The following BNC2 variants were observed in gnomAD, a reference collection of about 807,000 sequenced individuals.
BNC2 encodes basonuclin zinc finger protein 2, also known as zinc finger protein basonuclin-2.
In BNC2, 20 loss-of-function variants were observed where a neutral mutation model predicts 76.3. The observed-to-expected ratio is 0.26, with a 90% CI of 0.18 to 0.38. The LOEUF (loss-of-function observed/expected upper bound fraction) is 0.38. BNC2 is among the 10% of genes least tolerant of loss of function. The pLI is 1.00. For missense variants in BNC2, 1,382 were observed against 1,399.8 expected (o/e 0.99, Z 0.20); for synonymous variants, 582 against 514.8 (o/e 1.13, Z -1.77).
At chr9:16,849,479 C>T (rs1372010886) in intron 1 of BNC2, among the ~76,000 whole-genome samples, 1 of 151,496 alleles carries the variant, frequency 6.6e-6, no homozygotes, top group African/African-American at 2.4e-5. Context: ...CTGCCTCAGC[C>T]CCCAAAGTAG....
intron 5 of BNC2, among the ~76,000 whole-genome samples, chr9:16,489,041 CA>C: frequency 6.6e-6 from 1 of 152,172 alleles, no homozygotes; most frequent in African/African-American, 2.4e-5. Context: ...TCAGTGTTGT[CA>C]AACAGAAATA....
intron 5 of BNC2, among the ~76,000 whole-genome samples, chr9:16,455,054 G>A (rs1006489711): frequency 3.9e-5 from 6 of 152,192 alleles, no homozygotes; most frequent in Non-Finnish European, 8.8e-5. Flanking sequence ...TAGAGACTAA[G>A]TATGAGAAAC....
At chr9:16,730,802 T>C (rs1563918408) in intron 2 of BNC2, among the ~76,000 whole-genome samples, 1 of 152,210 alleles carries the variant, frequency 6.6e-6, no homozygotes, top group East Asian at 1.9e-4. Context: ...TTCATAAATA[T>C]ACAGTACTGC....
intron 5 of BNC2, among the ~76,000 whole-genome samples, chr9:16,536,739 C>T (rs1244975621): frequency 2.0e-5 from 3 of 152,024 alleles, no homozygotes; most frequent in South Asian, 2.1e-4. Flanking sequence ...GATGAATCTT[C>T]GTATTTTTGC....
At chr9:16,580,284 T>C (rs1819597628) in intron 4 of BNC2, 2 of 397,132 alleles carry the variant, frequency 5.0e-6, no homozygotes, top group Non-Finnish European at 8.9e-6. Flanking sequence ...ATGGGGAGAG[T>C]GTGGGATTCA....
At chr9:16,634,964 TTCAGTG>T (rs1363775038) in intron 3 of BNC2, among the ~76,000 whole-genome samples, 1 of 152,190 alleles carries the variant, frequency 6.6e-6, no homozygotes, top group East Asian at 1.9e-4. Flanking sequence ...GTAGCTTGAA[TTCAGTG>T]CCACTTGACA....
At chr9:16,825,812 C>T (rs1051591317) in intron 1 of BNC2, among the ~76,000 whole-genome samples, 2 of 152,028 alleles carry the variant, frequency 1.3e-5, no homozygotes, top group Non-Finnish European at 2.9e-5. Context: ...GTGACATGTT[C>T]ATTAAATTGT....
At chr9:16,732,009 C>G (rs1057236083) in intron 2 of BNC2, among the ~76,000 whole-genome samples, 1 of 151,892 alleles carries the variant, frequency 6.6e-6, no homozygotes, top group Non-Finnish European at 1.5e-5. Context: ...TATAGGGAGG[C>G]ACAATGCAAT....
intron 5 of BNC2, among the ~76,000 whole-genome samples, chr9:16,485,721 A>C (rs958049897): frequency 1.3e-5 from 2 of 152,154 alleles, no homozygotes; most frequent in Admixed American, 1.3e-4. Flanking sequence ...GCGTGGGAGG[A>C]CTGCTTGAGC....
intron 5 of BNC2, among the ~76,000 whole-genome samples, chr9:16,447,262 T>C (rs1275333684): frequency 6.6e-6 from 1 of 152,138 alleles, no homozygotes; most frequent in African/African-American, 2.4e-5. Flanking sequence ...CTAAAGCAGA[T>C]TTTGTATCTT....
chr9:16,616,743 A>C (rs960266463), intron 3 of BNC2, among the ~76,000 whole-genome samples: 2 of 143,334 alleles, frequency 1.4e-5, no homozygotes, highest in Non-Finnish European at 3.1e-5. Flanking sequence ...AAAGGGGGAA[A>C]GGAAGGAGGG....
chr9:16,633,034 G>A (rs894293878), intron 3 of BNC2, among the ~76,000 whole-genome samples: 1 of 152,076 alleles, frequency 6.6e-6, no homozygotes, highest in South Asian at 2.1e-4. Flanking sequence ...GCATGAAGAG[G>A]AGCCTATCTA....
At chr9:16,649,031 G>A (rs1454531737) in intron 3 of BNC2, among the ~76,000 whole-genome samples, 1 of 152,154 alleles carries the variant, frequency 6.6e-6, no homozygotes, top group Non-Finnish European at 1.5e-5. Flanking sequence ...AAACATAGAA[G>A]AAGTGTATCT....
intron 3 of BNC2, among the ~76,000 whole-genome samples, chr9:16,656,057 T>G (rs938692987): frequency 6.6e-6 from 1 of 152,208 alleles, no homozygotes; most frequent in Non-Finnish European, 1.5e-5. Context: ...GAGACACTTT[T>G]GGTTGTCACA....
At chr9:16,568,595 A>C (rs1423116225) in intron 4 of BNC2, among the ~76,000 whole-genome samples, 1 of 152,146 alleles carries the variant, frequency 6.6e-6, no homozygotes, top group East Asian at 1.9e-4. Flanking sequence ...TGGAATCATT[A>C]TCACATCAAT....
intron 5 of BNC2, among the ~76,000 whole-genome samples, chr9:16,445,305 G>C (rs1363798765): frequency 6.6e-6 from 1 of 152,146 alleles, no homozygotes; most frequent in Non-Finnish European, 1.5e-5. Context: ...AGAGCACTTT[G>C]CTTGTGTAAG....
At chr9:16,831,655 A>C (rs1372132453) in intron 1 of BNC2, among the ~76,000 whole-genome samples, 1 of 152,206 alleles carries the variant, frequency 6.6e-6, no homozygotes, top group Admixed American at 6.5e-5. Context: ...GGAAGTATTC[A>C]AGTTCCAAGA....
At chr9:16,506,855 G>T (rs1469417866) in intron 5 of BNC2, among the ~76,000 whole-genome samples, 1 of 151,904 alleles carries the variant, frequency 6.6e-6, no homozygotes, top group Non-Finnish European at 1.5e-5. Context: ...GGGTTCAAGT[G>T]ATGCTCCTGC....
chr9:16,844,047 G>A (rs1370499508), intron 1 of BNC2, among the ~76,000 whole-genome samples: 1 of 152,058 alleles, frequency 6.6e-6, no homozygotes, highest in Non-Finnish European at 1.5e-5. Context: ...ATAGCTCAAG[G>A]CTAGGAGTTC....
Sources: allele counts gnomAD v4.1 joint callset (sites outside exome capture counted in the v4.1 genomes callset), GRCh38; gene constraint gnomAD v4.1.1; transcripts MANE v1.5; gene names NCBI Gene and HGNC (gene_info 2026-07-23, HGNC 2026-07-21).